VWA3B: variants seen among roughly 807,000 people sequenced by gnomAD.
The protein encoded by VWA3B is von Willebrand factor A domain-containing protein 3B.
A neutral mutation model predicts 158.3 loss-of-function variants in VWA3B; 138 were observed. The observed-to-expected ratio is 0.87, with a 90% CI of 0.76 to 1.00. The LOEUF (loss-of-function observed/expected upper bound fraction) is 1.00. VWA3B is among the 50% of genes least tolerant of loss of function. The pLI, the probability that VWA3B is intolerant of heterozygous loss-of-function variation, is 0.00. For missense variants in VWA3B, 1,555 were observed against 1,565.1 expected, an observed-to-expected ratio of 0.99 and a Z score of 0.11; for synonymous variants, 596 against 587.3, an observed-to-expected ratio of 1.01 and a Z score of -0.21.
At chr2:98,239,922 A>AG (rs1685968416) in intron 19 of VWA3B, among the ~76,000 whole-genome samples, 1 of 152,042 alleles carries the variant, frequency 6.6e-6, no homozygotes, top group Non-Finnish European at 1.5e-5. Flanking sequence ...AAAAAAAAAA[A>AG]AAGAAAGAAA....
chr2:98,144,415 A>G (rs1163177015), intron 7 of VWA3B, among the ~76,000 whole-genome samples: 4 of 151,500 alleles, frequency 2.6e-5, no homozygotes, highest in Non-Finnish European at 5.9e-5. Flanking sequence ...CACTAAATAT[A>G]TTGTACTCAG....
chr2:98,093,543 G>C (rs1049744965), intron 2 of VWA3B, among the ~76,000 whole-genome samples: 4 of 152,074 alleles, frequency 2.6e-5, no homozygotes, highest in African/African-American at 4.8e-5. Flanking sequence ...AGATAAAACT[G>C]TATGTATTTA....
At chr2:98,160,059 A>G (rs1678445578) in intron 7 of VWA3B, among the ~76,000 whole-genome samples, 2 of 151,228 alleles carry the variant, frequency 1.3e-5, no homozygotes, top group African/African-American at 4.9e-5. Context: ...CTGCTGTTTC[A>G]TCTCCTCCCT....
At chr2:98,191,347 T>G (rs930807543) in intron 10 of VWA3B, among the ~76,000 whole-genome samples, 17 of 152,244 alleles carry the variant, frequency 1.1e-4, no homozygotes, top group Non-Finnish European at 2.1e-4. Context: ...GTTTTTCTTC[T>G]GGTTTGGATC....
At chr2:98,284,403 G>A (rs2105928807) in intron 22 of VWA3B, among the ~76,000 whole-genome samples, 1 of 152,270 alleles carries the variant, frequency 6.6e-6, no homozygotes, top group East Asian at 1.9e-4. Flanking sequence ...CCATGGAAAT[G>A]AGCCCACTTA....
chr2:98,211,950 C>G lies in VWA3B; in HGVS notation c.1758C>G (p.Thr586=). ...RDIKIGSSTN[T]LSALKTAFAD... The stretch of plus-strand genomic sequence containing the variant: ...CGTAGATTGGAAGCTCCACAAACAC[C>G]CTGAGTGCCCTGAAAACTGCTTTTG... Residue 586 remains threonine, a synonymous_variant, in exon 13 of 28, where the codon ACC becomes ACG. Transcript: ENST00000477737. 1 of 1,614,020 alleles carries G rather than the reference C, an allele frequency of 6.2e-7. No homozygotes were observed. The highest frequency in any genetic ancestry group is 8.5e-7 in the Non-Finnish European group (1 of 1,179,984).
chr2:98,282,704 G>T (rs1688954470), intron 22 of VWA3B, among the ~76,000 whole-genome samples: 1 of 152,134 alleles, frequency 6.6e-6, no homozygotes, highest in South Asian at 2.1e-4. Context: ...CACCAAAAGT[G>T]CTGGGATTAC....
Position 98,125,659 on chromosome 2 carries a change from TTTTTC to T in VWA3B, c.703-2571_703-2567del, listed in dbSNP as rs1221565133. 6.6e-6 allele frequency among the ~76,000 whole-genome samples: 1 copy of T among 152,148 alleles called. No homozygotes were observed. The highest frequency in any genetic ancestry group is 2.4e-5 in the African/African-American group (1 of 41,424). On this transcript the variant is annotated intron_variant, in intron 5 of 27. Transcript: ENST00000477737. This position sits in a 1 kb window ranked among gnomAD's most constrained non-coding sequence, Gnocchi z 4.1. ...GGTAGCATATTTATCCTCCTTTCTG[TTTTTC>T]TTTTCTTTCTTTTTTTTTGAAACCG... is the stretch of plus-strand genomic sequence containing the variant.
chr2:98,297,900 C>T lies in VWA3B; in HGVS notation c.3158-7C>T. 6.7e-7 allele frequency: 1 copy of T among 1,492,854 alleles called. No homozygotes were observed. The highest frequency in any genetic ancestry group is 9.0e-7 in the Non-Finnish European group (1 of 1,117,300). 92.5% of individuals were successfully genotyped at this position (1,492,854 alleles called of 1,614,324 possible). ...TTATATTTTATGTTTTCTTTGATTC[C>T]TTCCAGGGGTTGTGAAGAAGTGTGT... On this transcript the variant is annotated splice_polypyrimidine_tract_variant and splice_region_variant and intron_variant, in intron 23 of 27. Transcript: ENST00000477737.
chr2:98,258,091 C>T (rs62156735), intron 21 of VWA3B, among the ~76,000 whole-genome samples: 20,347 of 151,670 alleles, frequency 0.13, 2,087 homozygotes, highest in Non-Finnish European at 0.2. Flanking sequence ...CCAGTTTATC[C>T]AGCACTATTT....
chr2:98,093,778 A>T (rs992492811), intron 2 of VWA3B, among the ~76,000 whole-genome samples: 4 of 152,054 alleles, frequency 2.6e-5, no homozygotes, highest in Non-Finnish European at 5.9e-5. Flanking sequence ...TCCTTTGACT[A>T]ACATCTTCCC....
At chr2:98,304,596 G>A (rs1282723580) in intron 26 of VWA3B, among the ~76,000 whole-genome samples, 1 of 152,040 alleles carries the variant, frequency 6.6e-6, no homozygotes, top group Admixed American at 6.5e-5. Flanking sequence ...TCCCACTTCT[G>A]GGCTTATGGA....
At chr2:98,244,903 C>A (rs771073418) in intron 19 of VWA3B, among the ~76,000 whole-genome samples, 23 of 151,608 alleles carry the variant, frequency 1.5e-4, no homozygotes, top group Non-Finnish European at 3.0e-4. Flanking sequence ...AGAATTCTAA[C>A]AGAATCAGCC....
intron 20 of VWA3B, among the ~76,000 whole-genome samples, 199 bp from the exon 21 acceptor site, chr2:98,255,925 T>G (rs1291484865): frequency 1.3e-5 from 2 of 152,100 alleles, no homozygotes; most frequent in Non-Finnish European, 2.9e-5. Flanking sequence ...CCTTTAATAT[T>G]TGACGCAATT....
chr2:98,199,591 T>C (rs1682357951), intron 12 of VWA3B, among the ~76,000 whole-genome samples: 1 of 152,172 alleles, frequency 6.6e-6, no homozygotes, highest in Non-Finnish European at 1.5e-5. Context: ...GGCCCTGAAC[T>C]TAAGAAAACC....
intron 12 of VWA3B, among the ~76,000 whole-genome samples, chr2:98,196,322 G>C (rs1466245215): frequency 6.6e-6 from 1 of 151,752 alleles, no homozygotes; most frequent in Admixed American, 6.6e-5. Context: ...TAATTAGCTT[G>C]GTTTACTCAT....
chr2:98,158,070 G>A (rs892815136), intron 7 of VWA3B, among the ~76,000 whole-genome samples: 4 of 152,166 alleles, frequency 2.6e-5, no homozygotes, highest in African/African-American at 9.7e-5. Context: ...GCATAGCCAT[G>A]TGCTCAGATG....
chr2:98,102,913 G>C (rs1020103139), intron 2 of VWA3B, among the ~76,000 whole-genome samples: 3 of 152,214 alleles, frequency 2.0e-5, no homozygotes, highest in Admixed American at 6.5e-5. Context: ...GGGCTAATCA[G>C]ATATTCTGTT....
chr2:98,120,989 T>A (rs1389091383), intron 4 of VWA3B, among the ~76,000 whole-genome samples: 1 of 152,252 alleles, frequency 6.6e-6, no homozygotes, highest in Non-Finnish European at 1.5e-5. Context: ...TAAACTTGCC[T>A]GTTTATAAAA....
Sources: allele counts gnomAD v4.1 joint callset (sites outside exome capture counted in the v4.1 genomes callset), GRCh38; gene constraint gnomAD v4.1.1; non-coding constraint Gnocchi (gnomAD v3.1); transcripts MANE v1.5; gene names NCBI Gene and HGNC (gene_info 2026-07-23, HGNC 2026-07-21).